C8orf34: variants seen among roughly 807,000 people sequenced by gnomAD.
The protein encoded by C8orf34 is chromosome 8 open reading frame 34.
Under a neutral mutation model 68.3 loss-of-function variants are expected in C8orf34, and 65 were observed. The ratio of observed to expected loss-of-function variants is 0.95; its 90% CI spans 0.78 to 1.17. The LOEUF is 1.17. Among genes scored for constraint, C8orf34 ranks in the 50% most tolerant of loss-of-function variants. The pLI is 0.00. For missense variants in C8orf34, 664 were observed against 655.4 expected (o/e 1.01, Z -0.14); for synonymous variants, 244 against 241.2 (o/e 1.01, Z -0.11).
At chr8:68,764,429 C>T (rs549552021) in intron 10 of C8orf34, among the ~76,000 whole-genome samples, 13 of 152,290 alleles carry the variant, frequency 8.5e-5, no homozygotes, top group African/African-American at 3.1e-4. Flanking sequence ...TAGGAGAGAG[C>T]ACTTCTACCA....
At chr8:68,374,506 C>T (rs1308421982) in intron 1 of C8orf34, among the ~76,000 whole-genome samples, 1 of 152,178 alleles carries the variant, frequency 6.6e-6, no homozygotes, top group Non-Finnish European at 1.5e-5. Context: ...TTCAGCTGTT[C>T]ACCAAACACA....
chr8:68,465,102 A>G (rs555191872), intron 3 of C8orf34, among the ~76,000 whole-genome samples: 161 of 152,282 alleles, frequency 1.1e-3, no homozygotes, highest in Middle Eastern at 3.4e-3. Context: ...ACAAATTTAC[A>G]AGAAAAAAAC....
At chr8:68,460,358 G>A (rs1384103469) in intron 3 of C8orf34, among the ~76,000 whole-genome samples, 4 of 152,240 alleles carry the variant, frequency 2.6e-5, no homozygotes, top group African/African-American at 7.2e-5. Flanking sequence ...CACCTCTGGG[G>A]GCAGGGCACA....
rs74721267 is a variant in C8orf34 at position 68,606,590 on chromosome 8, T to C, written c.1106-33786T>C. Reference sequence around the variant, plus strand: ...AAATTGTACTTGTTGGTATTAGGTTTGGATCTAGTGAGATTAATGTCATCC... The same window carrying C: ...AAATTGTACTTGTTGGTATTAGGTTCGGATCTAGTGAGATTAATGTCATCC... On this transcript the variant is annotated intron_variant, in intron 7 of 13. Coordinates refer to ENST00000518698, the MANE Select transcript of C8orf34 (RefSeq NM_052958.4). 2.2e-4 allele frequency among the ~76,000 whole-genome samples: 34 copies of C among 152,256 alleles called. 1 individual carries two copies. In the East Asian group the frequency reaches 5.6e-3, roughly 25 times the overall value.
At chr8:68,383,927 G>A (rs920176362) in intron 1 of C8orf34, among the ~76,000 whole-genome samples, 1 of 152,196 alleles carries the variant, frequency 6.6e-6, no homozygotes, top group African/African-American at 2.4e-5. Context: ...TAGGGTGGGA[G>A]GAAGAGGATT....
At chr8:68,683,211 T>C (rs1820419372) in intron 8 of C8orf34, among the ~76,000 whole-genome samples, 1 of 152,026 alleles carries the variant, frequency 6.6e-6, no homozygotes, top group Non-Finnish European at 1.5e-5. Flanking sequence ...TTAAGTCATA[T>C]AGAATATTGC....
chr8:68,361,597 A>C (rs1290884620), intron 1 of C8orf34, among the ~76,000 whole-genome samples: 2 of 152,244 alleles, frequency 1.3e-5, no homozygotes, highest in East Asian at 3.8e-4. Flanking sequence ...TAGCTTCCTT[A>C]CATTTTCCAT....
At chr8:68,597,569 T>TGTG (rs1246713912) in intron 7 of C8orf34, among the ~76,000 whole-genome samples, 4 of 58,286 alleles carry the variant, frequency 6.9e-5, no homozygotes, top group South Asian at 8.5e-4. Flanking sequence ...TCTGCCACAT[T>TGTG]GTGGTGGTGT....
intron 1 of C8orf34, among the ~76,000 whole-genome samples, chr8:68,426,735 G>C (rs1810242983): frequency 6.6e-6 from 1 of 151,876 alleles, no homozygotes; most frequent in African/African-American, 2.4e-5. Context: ...TGGGTGTGGT[G>C]GTGGGCACCT....
chr8:68,428,708 T>C (rs995356370), intron 1 of C8orf34, among the ~76,000 whole-genome samples: 1 of 152,124 alleles, frequency 6.6e-6, no homozygotes, highest in African/African-American at 2.4e-5. Context: ...ATTCATTGTA[T>C]AGCTGTGGTC....
chr8:68,452,245 A>G (rs915409962), intron 3 of C8orf34, among the ~76,000 whole-genome samples: 2 of 150,196 alleles, frequency 1.3e-5, no homozygotes, highest in Non-Finnish European at 3.0e-5. Flanking sequence ...TATAATATAA[A>G]TAATATAATA....
At chr8:68,762,938 C>T (rs1823061104) in intron 10 of C8orf34, among the ~76,000 whole-genome samples, 1 of 152,154 alleles carries the variant, frequency 6.6e-6, no homozygotes, top group South Asian at 2.1e-4. Flanking sequence ...TCGCAGGGCC[C>T]ACACTCTGTG....
At chr8:68,752,508 G>T (rs1420033540) in intron 10 of C8orf34, among the ~76,000 whole-genome samples, 1 of 152,080 alleles carries the variant, frequency 6.6e-6, no homozygotes, top group African/African-American at 2.4e-5. Flanking sequence ...TTATTCCACA[G>T]AAATCAACAA....
intron 1 of C8orf34, among the ~76,000 whole-genome samples, chr8:68,368,118 CCT>C (rs1456684642): frequency 6.6e-6 from 1 of 152,014 alleles, no homozygotes; most frequent in African/African-American, 2.4e-5. Flanking sequence ...ATTATGCCAG[CCT>C]CCTAGGTGAA....
intron 6 of C8orf34, among the ~76,000 whole-genome samples, chr8:68,527,911 G>A (rs905650362): frequency 6.6e-6 from 1 of 152,172 alleles, no homozygotes; most frequent in South Asian, 2.1e-4. Flanking sequence ...TCCACAGGCT[G>A]TGGGGCTGGA....
intron 1 of C8orf34, among the ~76,000 whole-genome samples, chr8:68,403,931 T>A (rs1396362869): frequency 6.6e-6 from 1 of 152,230 alleles, no homozygotes; most frequent in African/African-American, 2.4e-5. Flanking sequence ...ATGGTATTTC[T>A]GGTTCTAGAT....
intron 5 of C8orf34, among the ~76,000 whole-genome samples, chr8:68,517,708 C>G (rs1321199517): frequency 6.6e-6 from 1 of 152,156 alleles, no homozygotes; most frequent in African/African-American, 2.4e-5. Flanking sequence ...ATACCCAACT[C>G]TAAAACCTTT....
chr8:68,701,106 A>G (rs1821004065), intron 8 of C8orf34, among the ~76,000 whole-genome samples: 1 of 152,066 alleles, frequency 6.6e-6, no homozygotes, highest in Non-Finnish European at 1.5e-5. Flanking sequence ...ATATCATAAT[A>G]TTCTAAGTAG....
chr8:68,794,150 G>A (rs1297543585), intron 12 of C8orf34, among the ~76,000 whole-genome samples: 5 of 151,500 alleles, frequency 3.3e-5, no homozygotes, highest in Non-Finnish European at 5.9e-5. Flanking sequence ...TTTTGATTTC[G>A]GAATTTTTTT....
Sources: allele counts gnomAD v4.1 joint callset (sites outside exome capture counted in the v4.1 genomes callset), GRCh38; gene constraint gnomAD v4.1.1; transcripts MANE v1.5; gene names NCBI Gene and HGNC (gene_info 2026-07-23, HGNC 2026-07-21).